The following RBFOX2 variants were observed in gnomAD, a reference collection of about 807,000 sequenced individuals.
The protein encoded by RBFOX2 is RNA binding protein fox-1 homolog 2.
In RBFOX2, 10 loss-of-function variants were observed where a neutral mutation model predicts 49.1. The observed-to-expected ratio is 0.20, with a 90% CI of 0.13 to 0.35. The LOEUF is 0.35. Ranked by LOEUF, RBFOX2 falls within the 10% of genes least tolerant of loss-of-function variation. RBFOX2 has a pLI of 1.00. For missense variants in RBFOX2, 323 were observed against 486.9 expected, an observed-to-expected ratio of 0.66 and a Z score of 3.17; for synonymous variants, 183 against 187.4, an observed-to-expected ratio of 0.98 and a Z score of 0.19.
At chr22:35,777,765 C>T (rs1944288574) in intron 4 of RBFOX2, 1 of 461,448 alleles carries the variant, frequency 2.2e-6, no homozygotes. Context: ...TCATCTCCTA[C>T]ATCCTGTGTT....
chr22:35,808,274 C>T (rs910645839), intron 2 of RBFOX2, among the ~76,000 whole-genome samples: 2 of 141,404 alleles, frequency 1.4e-5, no homozygotes, highest in Non-Finnish European at 3.0e-5. Context: ...CCTATCAAGC[C>T]TAGACTCTTA....
intron 1 of RBFOX2, among the ~76,000 whole-genome samples, chr22:35,890,074 C>CTACTTCATTA (rs1256893874): frequency 6.6e-6 from 1 of 152,128 alleles, no homozygotes; most frequent in Non-Finnish European, 1.5e-5. Flanking sequence ...CAGTTACTTG[C>CTACTTCATTA]TACTTCATTT....
intron 1 of RBFOX2, among the ~76,000 whole-genome samples, chr22:35,879,605 A>G (rs2149272621): frequency 6.6e-6 from 1 of 152,350 alleles, no homozygotes; most frequent in Non-Finnish European, 1.5e-5. Flanking sequence ...AGAAATGAGA[A>G]CAGGAGGAGA....
At chr22:36,024,675 A>G (rs1207143534) in intron 1 of RBFOX2, among the ~76,000 whole-genome samples, 1 of 151,696 alleles carries the variant, frequency 6.6e-6, no homozygotes, top group Non-Finnish European at 1.5e-5. Flanking sequence ...CAGGAGGCAG[A>G]GGTTGCAGTG....
chr22:35,966,573 C>G (rs1248918924), upstream of RBFOX2, among the ~76,000 whole-genome samples: 1 of 152,108 alleles, frequency 6.6e-6, no homozygotes, highest in Non-Finnish European at 1.5e-5. Flanking sequence ...TTGCTTTAGC[C>G]TGATGATTAA....
chr22:35,773,733 T>C (rs982753356), intron 4 of RBFOX2, among the ~76,000 whole-genome samples: 4 of 152,166 alleles, frequency 2.6e-5, no homozygotes, highest in Admixed American at 2.0e-4. Context: ...CCAAAGTATT[T>C]TGGCAAAAAC....
exon 1 of RBFOX2, chr22:36,028,365 C>A (rs1242267651): frequency 7.2e-7 from 1 of 1,392,084 alleles, no homozygotes; most frequent in Admixed American, 2.8e-5. Flanking sequence ...CGCTTCATGC[C>A]CCGGGCGGCG....
At chr22:35,958,022 T>C (rs1020529306) in intron 1 of RBFOX2, among the ~76,000 whole-genome samples, 2 of 152,234 alleles carry the variant, frequency 1.3e-5, no homozygotes, top group African/African-American at 4.8e-5. Context: ...CAAAGGATCA[T>C]TCTGCAACAT....
chr22:35,788,019 G>A (rs1479379820), intron 2 of RBFOX2, among the ~76,000 whole-genome samples: 2 of 152,162 alleles, frequency 1.3e-5, no homozygotes, highest in Non-Finnish European at 2.9e-5. Context: ...TGCACAGGAG[G>A]TCGGCACCAA....
At chr22:35,972,828 C>T (rs1306028289) in intron 1 of RBFOX2, among the ~76,000 whole-genome samples, 3 of 152,126 alleles carry the variant, frequency 2.0e-5, no homozygotes, top group Non-Finnish European at 4.4e-5. Flanking sequence ...TGCTTAGAGA[C>T]ATCACAACCA....
At chr22:35,933,406 A>AC (rs1316957178) in intron 1 of RBFOX2, among the ~76,000 whole-genome samples, 2 of 152,230 alleles carry the variant, frequency 1.3e-5, no homozygotes, top group African/African-American at 4.8e-5. Flanking sequence ...AAAATAGTAC[A>AC]CTACAGCTTA....
intron 9 of RBFOX2, among the ~76,000 whole-genome samples, chr22:35,758,636 C>A (rs1256477809): frequency 6.6e-6 from 1 of 152,158 alleles, no homozygotes; most frequent in Non-Finnish European, 1.5e-5. Context: ...TAAGTAATGG[C>A]ATAAGATGGA....
At position 35,761,366 on chromosome 22, in the gene RBFOX2, T is replaced by C. The variant is rs769392395; in HGVS notation, c.661+49A>G. 6.8e-6 allele frequency: 11 copies of C among 1,611,906 alleles called. No homozygotes were observed. In the Admixed American group the frequency reaches 1.8e-4, roughly 27 times the overall value. Reference sequence around the variant, plus strand: ...GAGTCACAAATTGAAAAACAGCAGATGCTATTACAATTAAATAGCACAAGT... The same window carrying C: ...GAGTCACAAATTGAAAAACAGCAGACGCTATTACAATTAAATAGCACAAGT... On this transcript the variant is annotated intron_variant, in intron 7 of 11. Transcript: ENST00000405409.
At chr22:35,797,629 T>C (rs771521638) in intron 2 of RBFOX2, among the ~76,000 whole-genome samples, 4 of 152,244 alleles carry the variant, frequency 2.6e-5, no homozygotes, top group Non-Finnish European at 5.9e-5. Flanking sequence ...CCTTGATTCA[T>C]GCTAAGGTGC....
chr22:35,855,429 C>G (rs140528026), intron 1 of RBFOX2, among the ~76,000 whole-genome samples: 6 of 151,798 alleles, frequency 4.0e-5, no homozygotes, highest in Admixed American at 3.3e-4. Flanking sequence ...TTTTCTGAGA[C>G]GGGGTCTCAC....
Position 35,781,585 on chromosome 22 carries a change from A to C in RBFOX2, c.399+15T>G. 6.2e-7 allele frequency: 1 copy of C among 1,607,604 alleles called. No homozygotes were observed. Among genetic ancestry groups the C allele is most frequent in the Non-Finnish European group, 8.5e-7 (1 of 1,177,468 alleles). ...CTTTAATTGTAAAATCCATAAAAAG[A>C]CTTCAGAGACTTACCCCAAACATCT... is the stretch of plus-strand genomic sequence containing the variant. On this transcript the variant is annotated intron_variant, in intron 3 of 11. Transcript: ENST00000405409.
chr22:35,798,912 A>G (rs1329450736), intron 2 of RBFOX2, among the ~76,000 whole-genome samples: 1 of 152,254 alleles, frequency 6.6e-6, no homozygotes, highest in Non-Finnish European at 1.5e-5. Context: ...AAGTATTTAC[A>G]TTATACGGAA....
At chr22:36,017,851 A>G (rs1402506732) in intron 1 of RBFOX2, among the ~76,000 whole-genome samples, 2 of 152,210 alleles carry the variant, frequency 1.3e-5, no homozygotes, top group Non-Finnish European at 2.9e-5. Context: ...AGGAAACTAA[A>G]TATCAGGTTG....
chr22:35,898,988 C>T (rs57812334), intron 1 of RBFOX2, among the ~76,000 whole-genome samples: 2 of 151,922 alleles, frequency 1.3e-5, no homozygotes, highest in Non-Finnish European at 2.9e-5. Flanking sequence ...CATGGTGGCG[C>T]ATGCCTGTAA....
Sources: allele counts gnomAD v4.1 joint callset (sites outside exome capture counted in the v4.1 genomes callset), GRCh38; gene constraint gnomAD v4.1.1; transcripts MANE v1.5; gene names NCBI Gene and HGNC (gene_info 2026-07-23, HGNC 2026-07-21).